Variants in ZNF532 observed in about 807,000 individuals in gnomAD.
ZNF532 encodes zinc finger protein 532.
Under a neutral mutation model 89.3 loss-of-function variants are expected in ZNF532, and 22 were observed. The observed-to-expected ratio is 0.25, with a 90% confidence interval of 0.18 to 0.35. The LOEUF is 0.35. Ranked by LOEUF, ZNF532 falls within the 10% of genes least tolerant of loss-of-function variation. The pLI is 1.00. For synonymous variants in ZNF532, 606 were observed against 649.6 expected (o/e 0.93, Z 1.02); for missense variants, 1,132 against 1,643.4 (o/e 0.69, Z 5.38).
At chr18:58,958,279 G>A (rs532135556) in intron 7 of ZNF532, among the ~76,000 whole-genome samples, 7 of 152,172 alleles carry the variant, frequency 4.6e-5, no homozygotes, top group East Asian at 3.9e-4. Flanking sequence ...TATTAAAGGC[G>A]TAATCATCTT....
At chr18:58,955,767 T>G (rs569855413) in intron 7 of ZNF532, among the ~76,000 whole-genome samples, 1 of 152,388 alleles carries the variant, frequency 6.6e-6, no homozygotes, top group East Asian at 1.9e-4. Context: ...AGTGGCACAT[T>G]GCTTATTTAA....
rs1222255688 is a variant in ZNF532, at chr18:58,985,435, TG to T, written c.*970del. 1 of 152,672 alleles carries T rather than the reference TG, an allele frequency of 6.5e-6. No homozygotes were observed. The highest frequency in any genetic ancestry group is 1.5e-5 in the Non-Finnish European group (1 of 68,050). 9.5% of individuals were successfully genotyped at this position (152,672 alleles called of 1,614,324 possible). A position where few individuals can be genotyped will look rare whatever the true frequency, so the allele number is the denominator to read the frequency against. On this transcript the variant is annotated 3_prime_UTR_variant, in exon 10 of 10. Coordinates refer to ENST00000591808, the MANE Select transcript of ZNF532 (RefSeq NM_001375912.1). The stretch of plus-strand genomic sequence containing the variant: ...AAAATCAGTTGACTTAACCCTTTGC[TG>T]TCAAAAGAGTTGGCGTTTCCTGTTC...
intron 2 of ZNF532, among the ~76,000 whole-genome samples, chr18:58,868,513 A>G (rs867957513): frequency 1.3e-5 from 2 of 152,068 alleles, no homozygotes; most frequent in African/African-American, 4.8e-5. Flanking sequence ...CCACTGTCTC[A>G]CTATAGGGAC....
chr18:58,953,536 A>G lies in ZNF532; in HGVS notation c.2887A>G (p.Lys963Glu), dbSNP rs545929848. ...AATGTAGTCTATGCATGGAACATTGAAAAGTATTGAAGGGCCTCCAAACTT... is the reference window on the plus strand; with the variant it reads ...AATGTAGTCTATGCATGGAACATTGGAAAGTATTGAAGGGCCTCCAAACTT... ...DHIKSMHGTL[K>E]SIEGPPNLGI... The change falls in exon 7 of 10, where the codon AAA (lysine) becomes GAA (glutamate). Residue 963 changes from lysine (K) to glutamate (E), a missense_variant. Lys to Glu is a moderately conservative substitution (Grantham distance 56). Around this residue, in one of 9 missense-constraint regions of ZNF532, gnomAD observed 415 missense variants for 604.8 expected, o/e 0.69. Coordinates refer to ENST00000591808, the MANE Select transcript of ZNF532 (RefSeq NM_001375912.1). 1 of 1,610,984 alleles carries G rather than the reference A, an allele frequency of 6.2e-7. No individual in the cohort carries two copies. Among genetic ancestry groups the G allele is most frequent in the South Asian group, 1.1e-5 (1 of 90,880 alleles).
At chr18:58,909,243 G>A (rs1294874146) in intron 2 of ZNF532, among the ~76,000 whole-genome samples, 20 of 152,128 alleles carry the variant, frequency 1.3e-4, no homozygotes, top group Admixed American at 1.0e-3. Flanking sequence ...GTGAGCCACC[G>A]CGCCCAGCCT....
At chr18:58,918,056 G>A (rs2060732617) in intron 2 of ZNF532, among the ~76,000 whole-genome samples, 1 of 152,144 alleles carries the variant, frequency 6.6e-6, no homozygotes, top group Non-Finnish European at 1.5e-5. Context: ...ATAGCAGTGT[G>A]GAGGGCTTAC....
intron 2 of ZNF532, among the ~76,000 whole-genome samples, chr18:58,870,986 G>C (rs368757205): frequency 3.9e-4 from 59 of 152,232 alleles, no homozygotes; most frequent in African/African-American, 1.4e-3. Flanking sequence ...GTCAAGATTG[G>C]TAGTAATGAA....
At chr18:58,948,585 T>C (rs2063871386) in intron 6 of ZNF532, among the ~76,000 whole-genome samples, 1 of 151,238 alleles carries the variant, frequency 6.6e-6, no homozygotes, top group African/African-American at 2.4e-5. Context: ...TTTTTCTTTT[T>C]GAGACAGAGT....
chr18:58,898,401 T>TA (rs35775777), intron 2 of ZNF532, among the ~76,000 whole-genome samples: 1 of 152,210 alleles, frequency 6.6e-6, no homozygotes, highest in African/African-American at 2.4e-5. Context: ...GCTAAATATT[T>TA]AAAAGGTATA....
At chr18:58,890,196 G>A (rs951680792) in intron 2 of ZNF532, among the ~76,000 whole-genome samples, 1 of 151,804 alleles carries the variant, frequency 6.6e-6, no homozygotes, top group African/African-American at 2.4e-5. Context: ...GCAGTGAGCC[G>A]AGATTTTGAC....
intron 2 of ZNF532, among the ~76,000 whole-genome samples, chr18:58,893,235 G>A (rs1358650382): frequency 1.3e-5 from 2 of 152,066 alleles, no homozygotes; most frequent in African/African-American, 4.8e-5. Flanking sequence ...GCCTCGGCCT[G>A]CCAAAGTGCT....
intron 3 of ZNF532, among the ~76,000 whole-genome samples, chr18:58,933,635 T>A (rs1031345073): frequency 1.3e-5 from 2 of 152,174 alleles, no homozygotes; most frequent in African/African-American, 4.8e-5. Flanking sequence ...ATGTTTACTT[T>A]AAGTTTTTTT....
intron 2 of ZNF532, among the ~76,000 whole-genome samples, chr18:58,897,753 G>A (rs544314585): frequency 7.9e-5 from 12 of 152,316 alleles, no homozygotes; most frequent in African/African-American, 2.9e-4. Flanking sequence ...AGGAGTTTGA[G>A]ACCAGCCTGG....
At chr18:58,964,673 C>CA (rs1246718418) in intron 7 of ZNF532, among the ~76,000 whole-genome samples, 1 of 151,710 alleles carries the variant, frequency 6.6e-6, no homozygotes, top group Non-Finnish European at 1.5e-5. Context: ...TGCTACCTCA[C>CA]ACTCTTGGTC....
intron 5 of ZNF532, among the ~76,000 whole-genome samples, chr18:58,946,606 G>A (rs2063684109): frequency 6.6e-6 from 1 of 152,044 alleles, no homozygotes; most frequent in Non-Finnish European, 1.5e-5. Flanking sequence ...TATACTCTTG[G>A]ACATTTGGGC....
At chr18:58,953,876 C>T in intron 7 of ZNF532, 77 bp downstream of exon 7, 3 of 1,521,254 alleles carry the variant, frequency 2.0e-6, no homozygotes, top group Non-Finnish European at 2.6e-6. Flanking sequence ...GATGTGGGCT[C>T]TTGGCTTGGC....
chr18:58,878,958 G>C (rs562643064), intron 2 of ZNF532, among the ~76,000 whole-genome samples: 1 of 152,324 alleles, frequency 6.6e-6, no homozygotes, highest in East Asian at 1.9e-4. Context: ...CAGCTCCTGT[G>C]TCTCCATGTC....
chr18:58,937,466 A>G (rs1055283893), intron 4 of ZNF532, among the ~76,000 whole-genome samples: 6 of 152,192 alleles, frequency 3.9e-5, no homozygotes, highest in African/African-American at 1.4e-4. Flanking sequence ...TCTTGCTTCA[A>G]AAAATTCCAT....
rs1331736148 is a variant in ZNF532 at position 58,918,422 on chromosome 18, T to C, written c.135T>C (p.Ala45=). 2 of 1,614,174 alleles carry C rather than the reference T, an allele frequency of 1.2e-6. No individual in the cohort carries two copies. The highest frequency in any genetic ancestry group is 3.3e-5 in the Admixed American group (2 of 60,010). The part of the protein sequence containing the change: ...DDHESHMKQN[A]HGEDDSHAPS... ...ATGAAAGCCACATGAAGCAGAATGC[T>C]CACGGAGAGGATGACTCCCACGCAC... Residue 45 remains alanine, a synonymous_variant, in exon 3 of 10, where the codon GCT becomes GCC. Coordinates refer to ENST00000591808, the MANE Select transcript of ZNF532 (RefSeq NM_001375912.1).
Sources: allele counts gnomAD v4.1 joint callset (sites outside exome capture counted in the v4.1 genomes callset), GRCh38; gene constraint gnomAD v4.1.1; regional missense constraint gnomAD v4.1.1; transcripts MANE v1.5; gene names NCBI Gene and HGNC (gene_info 2026-07-23, HGNC 2026-07-21).